The following DNAI4 variants were observed in gnomAD, a reference collection of about 807,000 sequenced individuals.
DNAI4 encodes the protein dynein axonemal intermediate chain 4.
DNAI4 carries 85 observed loss-of-function variants against 105.8 expected under a neutral mutation model. The ratio of observed to expected loss-of-function variants is 0.80; its 90% confidence interval spans 0.67 to 0.96. The LOEUF is 0.96. DNAI4 is among the 40% of genes least tolerant of loss of function. The pLI, the probability that DNAI4 is intolerant of heterozygous loss-of-function variation, is 0.00. For synonymous variants in DNAI4, 352 were observed against 331.5 expected, an observed-to-expected ratio of 1.06 and a Z score of -0.67; for missense variants, 1,014 against 1,005.6, an observed-to-expected ratio of 1.01 and a Z score of -0.11.
intron 7 of DNAI4, chr1:66,848,457 G>A (rs1646325492): frequency 4.5e-5 from 16 of 353,406 alleles, no homozygotes; most frequent in South Asian, 3.4e-4. Flanking sequence ...ACATTCACAG[G>A]TTCCAGGGAT....
At chr1:66,899,481 A>G (rs1028379656) in intron 2 of DNAI4, among the ~76,000 whole-genome samples, 2 of 152,216 alleles carry the variant, frequency 1.3e-5, no homozygotes, top group African/African-American at 4.8e-5. Flanking sequence ...ATATGATAAA[A>G]GCTCTTATCA....
chr1:66,836,125 CAGAAAGAAAGAAAGAAAAGAA>C (rs1417665020), intron 10 of DNAI4, among the ~76,000 whole-genome samples: 1 of 91,878 alleles, frequency 1.1e-5, no homozygotes, highest in Non-Finnish European at 2.1e-5. Context: ...ACCCTCATCT[CAGAAAGAAAGAAAGAAAAGAA>C]AGAAAGAAAG....
chr1:66,882,613 T>TA (rs1161651248), intron 4 of DNAI4, among the ~76,000 whole-genome samples: 6 of 152,176 alleles, frequency 3.9e-5, no homozygotes, highest in Admixed American at 3.3e-4. Context: ...TGTATTTTTG[T>TA]AAAAAATCAG....
chr1:66,823,876 G>C (rs1381597843), intron 15 of DNAI4, among the ~76,000 whole-genome samples: 1 of 150,776 alleles, frequency 6.6e-6, no homozygotes, highest in Non-Finnish European at 1.5e-5. Flanking sequence ...TCACTCTGAT[G>C]GTAGTTTCTT....
chr1:66,875,703 A>G (rs1646945573), intron 4 of DNAI4, among the ~76,000 whole-genome samples: 1 of 152,096 alleles, frequency 6.6e-6, no homozygotes, highest in Non-Finnish European at 1.5e-5. Context: ...CCTTTGGGAT[A>G]GGTAAAGCTT....
chr1:66,814,535 A>AT (rs1459633352), intron 16 of DNAI4, among the ~76,000 whole-genome samples: 2 of 152,068 alleles, frequency 1.3e-5, no homozygotes, highest in East Asian at 1.9e-4. Flanking sequence ...CGCCCAGCTA[A>AT]TTTTTTGTAT....
chr1:66,872,650 TA>T (rs1218553727), intron 5 of DNAI4, among the ~76,000 whole-genome samples: 2 of 152,308 alleles, frequency 1.3e-5, no homozygotes, highest in East Asian at 3.9e-4. Context: ...GACGTGTTTT[TA>T]AAAAATATTT....
intron 2 of DNAI4, among the ~76,000 whole-genome samples, chr1:66,894,467 T>C (rs1049165661): frequency 1.3e-4 from 20 of 152,284 alleles, no homozygotes; most frequent in Non-Finnish European, 2.4e-4. Context: ...ATTTTCTTTA[T>C]GGTATATTTG....
chr1:66,917,775 T>C (rs532064966), intron 1 of DNAI4, among the ~76,000 whole-genome samples: 8 of 152,358 alleles, frequency 5.3e-5, no homozygotes, highest in African/African-American at 1.9e-4. Context: ...TTTGCACAAG[T>C]GCAATAAGAA....
chr1:66,883,945 C>T (rs1457786671), intron 4 of DNAI4, among the ~76,000 whole-genome samples: 1 of 152,122 alleles, frequency 6.6e-6, no homozygotes, highest in Non-Finnish European at 1.5e-5. Context: ...ACATACTTCT[C>T]CTAAGATTTT....
At chr1:66,903,662 T>C (rs1200991977) in intron 2 of DNAI4, among the ~76,000 whole-genome samples, 1 of 152,068 alleles carries the variant, frequency 6.6e-6, no homozygotes, top group Non-Finnish European at 1.5e-5. Flanking sequence ...GCTGGCTAGT[T>C]TTTTTGTATT....
At chr1:66,838,870 A>G (rs1165563100) in intron 9 of DNAI4, among the ~76,000 whole-genome samples, 2 of 152,186 alleles carry the variant, frequency 1.3e-5, no homozygotes, top group East Asian at 3.8e-4. Flanking sequence ...ATCATAGCAC[A>G]TTTGAAATTA....
intron 6 of DNAI4, among the ~76,000 whole-genome samples, chr1:66,869,312 T>C (rs550567143): frequency 5.9e-4 from 90 of 152,028 alleles, no homozygotes; most frequent in African/African-American, 2.1e-3. Flanking sequence ...CTATTACTTC[T>C]TGGGGAGTGT....
intron 5 of DNAI4, among the ~76,000 whole-genome samples, chr1:66,872,642 C>T (rs548719964): frequency 5.5e-4 from 83 of 151,966 alleles, no homozygotes; most frequent in African/African-American, 2.0e-3. Context: ...CTGTAGGTGA[C>T]GTGTTTTTAA....
chr1:66,875,353 C>A (rs1646938525), intron 4 of DNAI4, among the ~76,000 whole-genome samples: 1 of 152,120 alleles, frequency 6.6e-6, no homozygotes, highest in African/African-American at 2.4e-5. Context: ...AAACTTTTAT[C>A]CTTCATTTGC....
Position 66,897,975 on chromosome 1 carries a change from G to A in DNAI4, c.346-4562C>T, listed in dbSNP as rs150738999. Among the ~76,000 whole-genome samples, 1,340 of 152,186 alleles carry A rather than the reference G, an allele frequency of 8.8e-3. 10 individuals carry two copies. Among genetic ancestry groups the A allele is most frequent in the Middle Eastern group, 0.041 (12 of 294 alleles). On this transcript the variant is annotated intron_variant, in intron 2 of 16. Coordinates refer to ENST00000371026, the MANE Select transcript of DNAI4 (RefSeq NM_024763.5). ...GCTATCAGCCTGCAAAGCCAGCCTG[G>A]GAGAGCTATACTGTAGACTGACCCC...
At chr1:66,887,477 G>C (rs1036730706) in intron 4 of DNAI4, among the ~76,000 whole-genome samples, 2 of 152,066 alleles carry the variant, frequency 1.3e-5, no homozygotes, top group Non-Finnish European at 2.9e-5. Flanking sequence ...GGTCTGGGAG[G>C]GGGGAAGTTA....
At chr1:66,864,162 T>C (rs1047561965) in intron 6 of DNAI4, among the ~76,000 whole-genome samples, 1 of 152,242 alleles carries the variant, frequency 6.6e-6, no homozygotes, top group Non-Finnish European at 1.5e-5. Context: ...TGAACAAGTT[T>C]AATTAACCTA....
intron 11 of DNAI4, 21 bp from the exon 12 acceptor site, chr1:66,834,169 C>A (rs377111651): frequency 6.4e-7 from 1 of 1,565,914 alleles, no homozygotes; most frequent in South Asian, 1.2e-5. Context: ...AAAAAAAATA[C>A]TAAACATATA....
Sources: gnomAD v4.1 joint callset for allele counts (sites outside exome capture counted in the v4.1 genomes callset) on GRCh38, gnomAD v4.1.1 for gene constraint, MANE v1.5 for transcripts, NCBI Gene and HGNC (gene_info 2026-07-23, HGNC 2026-07-21) for gene names.